The following PDE7B variants were observed in gnomAD, a reference collection of about 807,000 sequenced individuals.
PDE7B encodes 3',5'-cyclic-AMP phosphodiesterase 7B.
A neutral mutation model predicts 56.2 loss-of-function variants in PDE7B; 29 were observed. The ratio of observed to expected loss-of-function variants is 0.52; its 90% confidence interval spans 0.38 to 0.70. The LOEUF is 0.70. PDE7B is among the 30% of genes least tolerant of loss of function. The probability of loss-of-function intolerance (pLI) is 0.00; values close to 1 mark genes in which losing one functional copy is unlikely to be tolerated. For missense variants in PDE7B, 490 were observed against 565.0 expected, an observed-to-expected ratio of 0.87 and a Z score of 1.35; for synonymous variants, 197 against 196.9, an observed-to-expected ratio of 1.00 and a Z score of 0.00.
intron 3 of PDE7B, among the ~76,000 whole-genome samples, chr6:136,143,653 T>C (rs1778365486): frequency 6.6e-6 from 1 of 152,148 alleles, no homozygotes; most frequent in Non-Finnish European, 1.5e-5. Context: ...GCTGTTTTCT[T>C]CTTTGTTGTA....
At chr6:136,024,083 C>T (rs1405276789) in intron 2 of PDE7B, among the ~76,000 whole-genome samples, 1 of 152,034 alleles carries the variant, frequency 6.6e-6, no homozygotes, top group Non-Finnish European at 1.5e-5. Context: ...AAAAAAAAAC[C>T]TCCTCTAGGA....
chr6:136,183,075 A>AG (rs1162086925), intron 11 of PDE7B, among the ~76,000 whole-genome samples: 1 of 150,724 alleles, frequency 6.6e-6, no homozygotes. Context: ...CCGTCTCCAA[A>AG]AAAAAAAAAA....
intron 1 of PDE7B, among the ~76,000 whole-genome samples, chr6:135,935,172 TTATATATATATATTTA>T (rs1774392067): frequency 3.9e-5 from 2 of 51,160 alleles, no homozygotes; most frequent in African/African-American, 2.3e-4. Flanking sequence ...ACAGAGAATT[TTATATATATATATTTA>T]TTTATATATA....
At chr6:136,185,549 G>A (rs1452579398) in intron 11 of PDE7B, among the ~76,000 whole-genome samples, 2 of 151,998 alleles carry the variant, frequency 1.3e-5, no homozygotes, top group Admixed American at 1.3e-4. Context: ...GAAGCCAGGA[G>A]TTTGAGACCA....
At chr6:136,161,765 G>C (rs963907388) in intron 8 of PDE7B, among the ~76,000 whole-genome samples, 1 of 152,134 alleles carries the variant, frequency 6.6e-6, no homozygotes, top group Non-Finnish European at 1.5e-5. Context: ...TGTAGCTACT[G>C]AACTTTGGGG....
chr6:135,924,295 GAT>G (rs1204932432), intron 1 of PDE7B, among the ~76,000 whole-genome samples: 2 of 152,190 alleles, frequency 1.3e-5, no homozygotes, highest in Admixed American at 1.3e-4. Context: ...TAGAGAAATA[GAT>G]ATAGTCTATC....
intron 2 of PDE7B, chr6:136,034,368 G>A (rs556324004): frequency 1.3e-5 from 2 of 152,018 alleles, no homozygotes; most frequent in Admixed American, 6.5e-5. Flanking sequence ...CTTTAGTATC[G>A]GGGTTATCAA....
intron 2 of PDE7B, among the ~76,000 whole-genome samples, chr6:136,020,253 TAG>T (rs938730961): frequency 9.2e-5 from 14 of 152,172 alleles, no homozygotes; most frequent in Admixed American, 2.0e-4. Flanking sequence ...AGACAATCAC[TAG>T]AGAGCCCCAT....
chr6:136,010,389 CTTTTTTTTTTT>C (rs1327188298), intron 2 of PDE7B, among the ~76,000 whole-genome samples: 1 of 98,830 alleles, frequency 1.0e-5, no homozygotes, highest in Non-Finnish European at 2.2e-5. Context: ...TTATTCCCTT[CTTTTTTTTTTT>C]TTTTTTTTTG....
At chr6:136,092,129 GTATAACAGACTTAGAA>G (rs1251230950) in intron 2 of PDE7B, among the ~76,000 whole-genome samples, 3 of 152,154 alleles carry the variant, frequency 2.0e-5, no homozygotes, top group Non-Finnish European at 2.9e-5. Flanking sequence ...TAATACATGA[GTATAACAGACTTAGAA>G]TAGGTATTCA....
intron 2 of PDE7B, among the ~76,000 whole-genome samples, chr6:136,036,360 CAA>C (rs1776326185): frequency 6.6e-6 from 1 of 152,180 alleles, no homozygotes; most frequent in Non-Finnish European, 1.5e-5. Flanking sequence ...ATTTTCATAA[CAA>C]AATTCACCAA....
chr6:135,927,182 A>G (rs1240739495), intron 1 of PDE7B, among the ~76,000 whole-genome samples: 1 of 152,018 alleles, frequency 6.6e-6, no homozygotes, highest in Non-Finnish European at 1.5e-5. Context: ...TATGCTCCCT[A>G]TGCTTTGTTT....
At chr6:136,147,118 G>A (rs1462389420) in intron 3 of PDE7B, among the ~76,000 whole-genome samples, 5 of 151,648 alleles carry the variant, frequency 3.3e-5, no homozygotes, top group Non-Finnish European at 7.4e-5. Context: ...CTCCAGACTG[G>A]ATGACAGTGT....
intron 2 of PDE7B, among the ~76,000 whole-genome samples, chr6:136,043,616 G>C (rs895908367): frequency 3.6e-5 from 5 of 139,902 alleles, no homozygotes; most frequent in Non-Finnish European, 7.7e-5. Flanking sequence ...TAGAACCTAA[G>C]TTCCACCACA....
intron 3 of PDE7B, among the ~76,000 whole-genome samples, chr6:136,113,720 G>C (rs1039571160): frequency 6.6e-6 from 1 of 152,188 alleles, no homozygotes; most frequent in Non-Finnish European, 1.5e-5. Context: ...TTGTAGGGGG[G>C]AAACAAAGGA....
At chr6:135,986,520 G>T (rs1033793482) in intron 2 of PDE7B, among the ~76,000 whole-genome samples, 1 of 152,154 alleles carries the variant, frequency 6.6e-6, no homozygotes, top group South Asian at 2.1e-4. Context: ...GTTAAAATGT[G>T]GTTATGTTTT....
intron 2 of PDE7B, among the ~76,000 whole-genome samples, chr6:135,959,324 A>G (rs191405242): frequency 1.3e-5 from 2 of 152,328 alleles, no homozygotes; most frequent in African/African-American, 4.8e-5. Context: ...TAGTAAATAT[A>G]AGAAAAGAGT....
At position 136,005,361 on chromosome 6, in the gene PDE7B, C is replaced by A. The variant is rs377528424; in HGVS notation, c.82+57837C>A. 4.5e-4 allele frequency among the ~76,000 whole-genome samples: 69 copies of A among 151,850 alleles called. 1 individual carries two copies. The South Asian group carries it at 4.6e-3, about 10-fold the overall frequency. On this transcript the variant is annotated intron_variant, in intron 2 of 12. Coordinates refer to ENST00000308191, the MANE Select transcript of PDE7B (RefSeq NM_018945.4). The stretch of plus-strand genomic sequence containing the variant: ...AAGCCAAAATTGACAAATGGGATCT[C>A]ATTAAACTAAAGAGCTTCTGCACAG...
At chr6:136,007,448 C>G (rs1775807948) in intron 2 of PDE7B, among the ~76,000 whole-genome samples, 1 of 151,810 alleles carries the variant, frequency 6.6e-6, no homozygotes, top group African/African-American at 2.4e-5. Flanking sequence ...AGAGTCCCTC[C>G]TCCTCAATTT....
Sources: gnomAD v4.1 joint callset for allele counts (sites outside exome capture counted in the v4.1 genomes callset) on GRCh38, gnomAD v4.1.1 for gene constraint, MANE v1.5 for transcripts, NCBI Gene and HGNC (gene_info 2026-07-23, HGNC 2026-07-21) for gene names.